Variants in LLGL1 observed in about 807,000 individuals in gnomAD.
LLGL1 encodes the protein lethal(2) giant larvae protein homolog 1.
LLGL1 carries 58 observed loss-of-function variants against 110.6 expected under a neutral mutation model. The ratio of observed to expected loss-of-function variants is 0.52; its 90% CI spans 0.42 to 0.65. The LOEUF (loss-of-function observed/expected upper bound fraction) is 0.65. Ranked by LOEUF, LLGL1 falls within the 30% of genes least tolerant of loss-of-function variation. The probability of loss-of-function intolerance (pLI) is 0.00; values close to 1 mark genes in which losing one functional copy is unlikely to be tolerated. For missense variants in LLGL1, 1,229 were observed against 1,462.1 expected, an observed-to-expected ratio of 0.84 and a Z score of 2.60; for synonymous variants, 674 against 607.2, an observed-to-expected ratio of 1.11 and a Z score of -1.62.
chr17:18,227,956 G>A (rs1017769011), intron 1 of LLGL1, among the ~76,000 whole-genome samples: 13 of 152,104 alleles, frequency 8.5e-5, no homozygotes, highest in African/African-American at 2.9e-4. Context: ...GAGTGAGCAG[G>A]GACTTTGGAC....
chr17:18,232,879 G>T, intron 4 of LLGL1, 77 bp downstream of exon 4: 1 of 1,587,106 alleles, frequency 6.3e-7, no homozygotes, highest in South Asian at 1.1e-5. Flanking sequence ...GCTGTGCAAA[G>T]GCAGCATGGA....
chr17:18,240,517 A>T lies in LLGL1; in HGVS notation c.2207-61A>T. On this transcript the variant is annotated intron_variant, in intron 16 of 22. Transcript: ENST00000316843. The surrounding 1 kb of genome is among the most constrained non-coding windows in gnomAD (Gnocchi z 5.3). ...AGGGAGGGACCTGCAGTCTGTGGGAAGACCCCAGGGGAGATGCCTGGCCCA... is the reference window on the plus strand; with the variant it reads ...AGGGAGGGACCTGCAGTCTGTGGGATGACCCCAGGGGAGATGCCTGGCCCA... 1 of 1,499,236 alleles carries T rather than the reference A, an allele frequency of 6.7e-7. No individual in the cohort carries two copies. Among genetic ancestry groups the T allele is most frequent in the Non-Finnish European group, 8.9e-7 (1 of 1,122,624 alleles). 92.9% of individuals were successfully genotyped at this position (1,499,236 alleles called of 1,614,324 possible).
In LLGL1 at chr17:18,240,771, C is replaced by G; in HGVS notation, c.2400C>G (p.Gly800=). 6.2e-7 allele frequency: 1 copy of G among 1,605,894 alleles called. No individual in the cohort carries two copies. The highest frequency in any genetic ancestry group is 8.5e-7 in the Non-Finnish European group (1 of 1,176,216). ...CCATTGCCGTGTTGGACGGGCGTGG[C>G]CGCCCACTGCCCGAGCCCTACGAGG... The part of the protein sequence containing the change: ...VVAIAVLDGR[G]RPLPEPYEAS... The change falls in exon 17 of 23, where the codon GGC becomes GGG. Residue 800 remains glycine (G), a synonymous_variant. Coordinates refer to ENST00000316843, the MANE Select transcript of LLGL1 (RefSeq NM_004140.4). This position sits in a 1 kb window ranked among gnomAD's most constrained non-coding sequence, Gnocchi z 5.3.
chr17:18,229,810 A>G lies in LLGL1; in HGVS notation c.82-131A>G, dbSNP rs1028829831. The G allele has an allele frequency of 4.7e-6, 3 of 642,994 alleles. No individual in the cohort carries two copies. The African/African-American group carries it at 5.5e-5, about 12-fold the overall frequency. 39.8% of individuals were successfully genotyped at this position (642,994 alleles called of 1,614,324 possible). On this transcript the variant is annotated intron_variant, in intron 1 of 22. Coordinates refer to ENST00000316843, the MANE Select transcript of LLGL1 (RefSeq NM_004140.4). ...AGTTGAGGACGCTGAGGCACAGAGCAAGTAGACCTGCCTCCTACCCCCAGT... is the reference window on the plus strand; with the variant it reads ...AGTTGAGGACGCTGAGGCACAGAGCGAGTAGACCTGCCTCCTACCCCCAGT...
In LLGL1 at chr17:18,242,553, A is replaced by T. The variant is rs1256379537; in HGVS notation, c.3041A>T (p.Asp1014Val). Reference protein sequence around the residue: ...PEAALSPMSIDSATSADTTLD... With the variant: ...PEAALSPMSIVSATSADTTLD... ...GCTGCACTCTCACCCATGTCCATCG[A>T]CTCAGCCACCAGTGCTGACACCACG... is the stretch of plus-strand genomic sequence containing the variant. Residue 1014 changes from aspartate (D) to valine (V), a missense_variant, in exon 21 of 23, where the codon GAC becomes GTC. Asp to Val is a radical substitution (Grantham distance 152). Coordinates refer to ENST00000316843, the MANE Select transcript of LLGL1 (RefSeq NM_004140.4). 6.2e-7 allele frequency: 1 copy of T among 1,613,860 alleles called. No individual in the cohort carries two copies. The highest frequency in any genetic ancestry group is 1.1e-5 in the South Asian group (1 of 91,090).
chr17:18,232,177 G>A (rs987848005), intron 2 of LLGL1, among the ~76,000 whole-genome samples: 8 of 152,230 alleles, frequency 5.3e-5, no homozygotes, highest in Non-Finnish European at 1.0e-4. Context: ...AAGCCTGCTG[G>A]GTGTGTTTAT....
chr17:18,233,745 G>T, intron 4 of LLGL1, 33 bp from the exon 5 acceptor site: 2 of 1,593,122 alleles, frequency 1.3e-6, no homozygotes, highest in Non-Finnish European at 1.7e-6. Context: ...GGATGGGCTT[G>T]TACCCTCACT....
intron 11 of LLGL1, 102 bp downstream of exon 11, chr17:18,235,639 C>T: frequency 8.6e-7 from 1 of 1,157,730 alleles, no homozygotes. Context: ...TCAGGCCTGG[C>T]CCCTGGTGGG....
chr17:18,237,989 C>T (rs1225352192), intron 14 of LLGL1, 78 bp from the exon 15 acceptor site: 7 of 1,524,728 alleles, frequency 4.6e-6, no homozygotes, highest in Non-Finnish European at 6.3e-6. Context: ...GACCTGGGTG[C>T]CTCCACAGGC....
chr17:18,244,622 A>G lies in LLGL1; in HGVS notation c.*716A>G, dbSNP rs1401921248. Reference sequence around the variant, plus strand: ...CTATTTTGGTACCTGCTTCTGGGCCAGTCCCCAGCCTGTCATGAGTGTGTG... The same window carrying G: ...CTATTTTGGTACCTGCTTCTGGGCCGGTCCCCAGCCTGTCATGAGTGTGTG... On this transcript the variant is annotated 3_prime_UTR_variant, in exon 23 of 23. Coordinates refer to ENST00000316843, the MANE Select transcript of LLGL1 (RefSeq NM_004140.4). The G allele has an allele frequency of 6.6e-6, 1 of 151,410 alleles. No homozygotes were observed. The highest frequency in any genetic ancestry group is 1.5e-5 in the Non-Finnish European group (1 of 68,870). 9.4% of individuals were successfully genotyped at this position (151,410 alleles called of 1,614,324 possible).
intron 1 of LLGL1, among the ~76,000 whole-genome samples, chr17:18,227,587 A>G (rs1400335469): frequency 6.6e-6 from 1 of 152,238 alleles, no homozygotes; most frequent in South Asian, 2.1e-4. Flanking sequence ...GGGTTTCACC[A>G]TGTTGCCCAG....
rs2047799741 is a variant in LLGL1, at chr17:18,240,325, TC to T, written c.2207-252del. Among the ~76,000 whole-genome samples, 1 of 152,194 alleles carries T rather than the reference TC, an allele frequency of 6.6e-6. No individual in the cohort carries two copies. The highest frequency in any genetic ancestry group is 1.9e-4 in the East Asian group (1 of 5,174). ...TTCTGTGCAGATGCGCTACAGCTGTTCGGGCCTCTGCAGGAGGGCTGCATCC... is the reference window on the plus strand; with the variant it reads ...TTCTGTGCAGATGCGCTACAGCTGTTGGGCCTCTGCAGGAGGGCTGCATCC... On this transcript the variant is annotated intron_variant, in intron 16 of 22. Coordinates refer to ENST00000316843, the MANE Select transcript of LLGL1 (RefSeq NM_004140.4). The surrounding 1 kb of genome is among the most constrained non-coding windows in gnomAD (Gnocchi z 5.3).
At chr17:18,239,050 G>A (rs998968810) in intron 16 of LLGL1, among the ~76,000 whole-genome samples, 2 of 152,154 alleles carry the variant, frequency 1.3e-5, no homozygotes, top group Non-Finnish European at 2.9e-5. Flanking sequence ...GGGGACTGCT[G>A]GGTCACCCCC....
chr17:18,244,858 C>T lies in LLGL1; in HGVS notation c.*952C>T, dbSNP rs2047968471. On this transcript the variant is annotated 3_prime_UTR_variant, in exon 23 of 23. Transcript: ENST00000316843. Reference sequence around the variant, plus strand: ...TGATTTTTAATATTGAAAATAAAAGCATTTAATATCTCTTAAAGGGCATCC... The same window carrying T: ...TGATTTTTAATATTGAAAATAAAAGTATTTAATATCTCTTAAAGGGCATCC... The T allele has an allele frequency of 2.5e-6, 1 of 401,886 alleles. No individual in the cohort carries two copies. The highest frequency in any genetic ancestry group is 2.1e-5 in the African/African-American group (1 of 48,576). The allele number at this position is 401,886 out of a possible 1,614,324, so 24.9% of individuals were successfully genotyped here.
rs779466517 is a variant in LLGL1, at chr17:18,234,152, G to C, written c.691G>C (p.Asp231His). The change falls in exon 6 of 23, where the codon GAC (aspartate) becomes CAC (histidine). Residue 231 changes from aspartate to histidine, a missense_variant. Coordinates refer to ENST00000316843, the MANE Select transcript of LLGL1 (RefSeq NM_004140.4). ...VIWNQASQCV[D>H]HIFLGNQQLE... ...CTGGAACCAGGCCTCGCAGTGTGTGGACCACATCTTCCTGGGGAACCAGGT... is the reference window on the plus strand; with the variant it reads ...CTGGAACCAGGCCTCGCAGTGTGTGCACCACATCTTCCTGGGGAACCAGGT... 1 of 1,607,312 alleles carries C rather than the reference G, an allele frequency of 6.2e-7. No individual in the cohort carries two copies. The highest frequency in any genetic ancestry group is 8.5e-7 in the Non-Finnish European group (1 of 1,175,820).
chr17:18,235,702 C>T, intron 11 of LLGL1, 165 bp downstream of exon 11: 1 of 662,450 alleles, frequency 1.5e-6, no homozygotes, highest in Non-Finnish European at 2.5e-6. Context: ...CTCCCTGGAC[C>T]TTGGTTCAAG....
chr17:18,241,223 A>T, intron 17 of LLGL1: 1 of 620,636 alleles, frequency 1.6e-6, no homozygotes, highest in Non-Finnish European at 2.8e-6. Flanking sequence ...ACCTTGGCAT[A>T]ACTCTGTGAT....
chr17:18,234,912 C>T lies in LLGL1; in HGVS notation c.979C>T (p.Arg327Ter), dbSNP rs748791635. ...TGACCGCCACTGTGTAAGTGTGCTTCGAGCCGAGACATTGGTGACGCTGGA... is the reference window on the plus strand; with the variant it reads ...TGACCGCCACTGTGTAAGTGTGCTTTGAGCCGAGACATTGGTGACGCTGGA... Reference protein sequence around the residue: ...YGDRHCVSVLRAETLVTLDFT... With the variant: ...YGDRHCVSVL Residue 327 changes from arginine (R) to a stop codon, truncating the protein, a stop_gained, in exon 9 of 23, where the codon CGA becomes TGA. Transcript: ENST00000316843. LOFTEE classifies it high-confidence loss of function. The T allele has an allele frequency of 3.1e-6, 5 of 1,613,160 alleles. No homozygotes were observed. The highest frequency in any genetic ancestry group is 4.2e-6 in the Non-Finnish European group (5 of 1,179,802).
Position 18,240,907 on chromosome 17 carries a change from G to A in LLGL1, c.2502+34G>A, listed in dbSNP as rs766533599. 111 of 1,484,508 alleles carry A rather than the reference G, an allele frequency of 7.5e-5. No homozygotes were observed. The highest frequency in any genetic ancestry group is 2.4e-4 in the Middle Eastern group (1 of 4,196). 92.0% of individuals were successfully genotyped at this position (1,484,508 alleles called of 1,614,324 possible). On this transcript the variant is annotated intron_variant, in intron 17 of 22. Coordinates refer to ENST00000316843, the MANE Select transcript of LLGL1 (RefSeq NM_004140.4). This position sits in a 1 kb window ranked among gnomAD's most constrained non-coding sequence, Gnocchi z 5.3. ...CTGTGGGCTGTGGGGGACTCTGGGG[G>A]ACTCCCCTCCAGGCCCCAACCTCAT... is the stretch of plus-strand genomic sequence containing the variant.
Sources: gnomAD v4.1 joint callset for allele counts (sites outside exome capture counted in the v4.1 genomes callset) on GRCh38, gnomAD v4.1.1 for gene constraint, Gnocchi (gnomAD v3.1) non-coding constraint, MANE v1.5 for transcripts, NCBI Gene and HGNC (gene_info 2026-07-23, HGNC 2026-07-21) for gene names.